Variants in HOOK3 observed in about 807,000 individuals in gnomAD.
HOOK3 encodes the protein hook microtubule tethering protein 3.
In HOOK3, 24 loss-of-function variants were observed where a neutral mutation model predicts 116.3. The ratio of observed to expected loss-of-function variants is 0.21; its 90% confidence interval spans 0.15 to 0.29. The LOEUF is 0.29. Ranked by LOEUF, HOOK3 falls within the 10% of genes least tolerant of loss-of-function variation. The probability of loss-of-function intolerance (pLI) is 1.00; values close to 1 mark genes in which losing one functional copy is unlikely to be tolerated. For missense variants in HOOK3, 632 were observed against 830.2 expected (o/e 0.76, Z 2.93); for synonymous variants, 275 against 283.0 (o/e 0.97, Z 0.28).
chr8:43,024,547 C>T lies in HOOK3; in HGVS notation c.*6049C>T, dbSNP rs530247936. The T allele has an allele frequency of 2.8e-4, 52 of 187,364 alleles. No homozygotes were observed. Among genetic ancestry groups the T allele is most frequent in the Non-Finnish European group, 5.2e-4 (46 of 88,826 alleles). The allele number at this position is 187,364 out of a possible 1,614,324, so 11.6% of individuals were successfully genotyped here. On this transcript the variant is annotated 3_prime_UTR_variant, in exon 22 of 22. Transcript: ENST00000307602. Reference sequence around the variant, plus strand: ...TTTCATTACATTTAGAAGGAGGTTTCAGAGCTTATTCTTGATAACTATAAT... The same window carrying T: ...TTTCATTACATTTAGAAGGAGGTTTTAGAGCTTATTCTTGATAACTATAAT...
At chr8:43,002,172 T>C in intron 17 of HOOK3, 31 bp downstream of exon 17, 1 of 1,546,966 alleles carries the variant, frequency 6.5e-7, no homozygotes, top group Non-Finnish European at 8.9e-7. Flanking sequence ...GGCTGATTCT[T>C]CTATAGTGGA....
intron 4 of HOOK3, among the ~76,000 whole-genome samples, chr8:42,932,567 T>TC (rs1226862142): frequency 1.3e-5 from 2 of 152,062 alleles, no homozygotes; most frequent in African/African-American, 2.4e-5. Flanking sequence ...TTCTTTTTTT[T>TC]CTCCCCCTCA....
chr8:42,905,325 T>TTG lies in HOOK3; in HGVS notation c.58-848_58-847insTG, dbSNP rs746035645. On this transcript the variant is annotated intron_variant, in intron 1 of 21. Coordinates refer to ENST00000307602, the MANE Select transcript of HOOK3 (RefSeq NM_032410.4). ...TTTTTTTTTTTCCTGTTTCTTTTTT[T>TTG]GGGGGGGGGGGTGCCGTGGTGGAGG... Among the ~76,000 whole-genome samples the TTG allele has an allele frequency of 2.0e-3, 194 of 99,160 alleles. 15 individuals are homozygous for TTG. Among genetic ancestry groups the TTG allele is most frequent in the African/African-American group, 8.8e-3 (188 of 21,450 alleles). The allele number at this position is 99,160 out of a possible 152,430, so 65.1% of individuals were successfully genotyped here. A position where few individuals can be genotyped will look rare whatever the true frequency, so the allele number is the denominator to read the frequency against.
chr8:42,971,707 G>C (rs547557831), intron 11 of HOOK3, among the ~76,000 whole-genome samples: 1 of 151,778 alleles, frequency 6.6e-6, no homozygotes, highest in Non-Finnish European at 1.5e-5. Context: ...TTGAGGCAGA[G>C]TCTGGCTCTG....
At chr8:42,943,167 G>A (rs1808161101) in intron 4 of HOOK3, 146 bp from the exon 5 acceptor site, 2 of 423,488 alleles carry the variant, frequency 4.7e-6, no homozygotes, top group East Asian at 7.3e-5. Context: ...GGTATGGGAG[G>A]TAGAAATAGA....
At chr8:43,011,117 C>T (rs967210583) in intron 19 of HOOK3, among the ~76,000 whole-genome samples, 6 of 152,014 alleles carry the variant, frequency 3.9e-5, no homozygotes, top group African/African-American at 1.2e-4. Context: ...CTCAGCCTCC[C>T]GAGTAGCTAG....
chr8:42,897,671 A>G (rs1260289331), intron 1 of HOOK3, among the ~76,000 whole-genome samples: 1 of 152,146 alleles, frequency 6.6e-6, no homozygotes, highest in Admixed American at 6.5e-5. Flanking sequence ...CGAGGGGCGG[A>G]CGCCTGTCAG....
Position 42,909,132 on chromosome 8 carries a change from C to G in HOOK3, c.143+2874C>G, listed in dbSNP as rs530632695. ...TGTCACCTCACACCTATCAGAATGG[C>G]TGTTATCAAAAAGATGAAAGATACG... is the stretch of plus-strand genomic sequence containing the variant. On this transcript the variant is annotated intron_variant, in intron 2 of 21. Coordinates refer to ENST00000307602, the MANE Select transcript of HOOK3 (RefSeq NM_032410.4). Among the ~76,000 whole-genome samples, 457 of 152,288 alleles carry G rather than the reference C, an allele frequency of 3.0e-3. 1 individual carries two copies. The highest frequency in any genetic ancestry group is 5.0e-3 in the Non-Finnish European group (343 of 68,028).
At chr8:43,002,972 AT>A (rs897250392) in intron 17 of HOOK3, among the ~76,000 whole-genome samples, 3 of 151,920 alleles carry the variant, frequency 2.0e-5, no homozygotes, top group African/African-American at 7.3e-5. Context: ...ATATTCACAT[AT>A]TTTTTTTCAT....
rs955534225 is a variant in HOOK3 at position 43,028,606 on chromosome 8, C to T, written c.*10108C>T. 1.1e-5 allele frequency: 2 copies of T among 189,734 alleles called. No homozygotes were observed. Among genetic ancestry groups the T allele is most frequent in the African/African-American group, 4.7e-5 (2 of 42,826 alleles). The allele number at this position is 189,734 out of a possible 1,614,324, so 11.8% of individuals were successfully genotyped here. Reference sequence around the variant, plus strand: ...CTTCATAACTTCCTGCTCTTATTAACTTGTATTATGAATCAAATTAAGTTT... The same window carrying T: ...CTTCATAACTTCCTGCTCTTATTAATTTGTATTATGAATCAAATTAAGTTT... On this transcript the variant is annotated 3_prime_UTR_variant, in exon 22 of 22. Transcript: ENST00000307602.
At position 42,971,705 on chromosome 8, in the gene HOOK3, G is replaced by A. The variant is rs148820681; in HGVS notation, c.1123-1584G>A. Among the ~76,000 whole-genome samples, 1,076 of 151,828 alleles carry A rather than the reference G, an allele frequency of 7.1e-3. 5 individuals carry two copies. The highest frequency in any genetic ancestry group is 0.024 in the Middle Eastern group (7 of 294). On this transcript the variant is annotated intron_variant, in intron 11 of 21. Transcript: ENST00000307602. ...TAATTAATTTATTTATTTTGAGGCA[G>A]AGTCTGGCTCTGTGGCCCAGGTTGG...
chr8:42,997,705 TA>T, intron 16 of HOOK3, 68 bp downstream of exon 16: 1 of 889,838 alleles, frequency 1.1e-6, no homozygotes, highest in Non-Finnish European at 1.9e-6. Context: ...TTTTATTTTT[TA>T]TTTGATGTTT....
At chr8:42,899,831 T>C (rs1807147950) in intron 1 of HOOK3, among the ~76,000 whole-genome samples, 1 of 152,242 alleles carries the variant, frequency 6.6e-6, no homozygotes, top group African/African-American at 2.4e-5. Context: ...GACAGCCTTA[T>C]GTACTTCTAG....
At chr8:43,014,689 G>A (rs1443921584) in intron 21 of HOOK3, among the ~76,000 whole-genome samples, 1 of 152,094 alleles carries the variant, frequency 6.6e-6, no homozygotes, top group Non-Finnish European at 1.5e-5. Context: ...CTGTAGCTCT[G>A]TTACTGGCAC....
At chr8:43,005,321 C>A (rs1180616279) in intron 17 of HOOK3, among the ~76,000 whole-genome samples, 2 of 148,246 alleles carry the variant, frequency 1.3e-5, no homozygotes, top group Non-Finnish European at 3.0e-5. Context: ...CCCGGGTTCA[C>A]GACATTCTCC....
At chr8:42,939,266 G>T (rs1473633493) in intron 4 of HOOK3, among the ~76,000 whole-genome samples, 8 of 152,176 alleles carry the variant, frequency 5.3e-5, no homozygotes, top group African/African-American at 1.9e-4. Flanking sequence ...GCCGGGAAGA[G>T]GGGCTCCTCA....
intron 18 of HOOK3, among the ~76,000 whole-genome samples, chr8:43,009,250 C>T (rs940820797): frequency 6.6e-5 from 10 of 151,368 alleles, no homozygotes; most frequent in African/African-American, 2.4e-4. Context: ...ACTAAAAATA[C>T]AAAAAATTAG....
chr8:43,007,921 A>T lies in HOOK3; in HGVS notation c.1730A>T (p.Asn577Ile), dbSNP rs1809523765. The change falls in exon 18 of 22, where the codon AAC becomes ATC. Residue 577 changes from asparagine (N) to isoleucine (I), a missense_variant. Coordinates refer to ENST00000307602, the MANE Select transcript of HOOK3 (RefSeq NM_032410.4). ...AIIEDLEPRF[N>I]NSSLKIEELQ... ...ATTGAAGATCTCGAGCCAAGATTTA[A>T]CAACAGCTGTGAGTTTTCCTAATTA... 6.3e-7 allele frequency: 1 copy of T among 1,589,110 alleles called. No homozygotes were observed. The highest frequency in any genetic ancestry group is 1.3e-5 in the African/African-American group (1 of 74,694).
In HOOK3 at chr8:42,899,945, A is replaced by G. The variant is rs554320283; in HGVS notation, c.57+2757A>G. Among the ~76,000 whole-genome samples, 7 of 152,360 alleles carry G rather than the reference A, an allele frequency of 4.6e-5. No individual in the cohort carries two copies. In the East Asian group the frequency reaches 1.3e-3, roughly 29 times the overall value. On this transcript the variant is annotated intron_variant, in intron 1 of 21. Transcript: ENST00000307602. Reference sequence around the variant, plus strand: ...TTAGTTTGAGATTGGAGAGATGTATATAGTACATTTTAGAAATTATTCCAC... The same window carrying G: ...TTAGTTTGAGATTGGAGAGATGTATGTAGTACATTTTAGAAATTATTCCAC...
Sources: allele counts gnomAD v4.1 joint callset (sites outside exome capture counted in the v4.1 genomes callset), GRCh38; gene constraint gnomAD v4.1.1; transcripts MANE v1.5; gene names NCBI Gene and HGNC (gene_info 2026-07-23, HGNC 2026-07-21).